NALF1: variants seen among roughly 807,000 people sequenced by gnomAD.
NALF1 encodes NALCN channel auxiliary factor 1.
A neutral mutation model predicts 48.4 loss-of-function variants in NALF1; 3 were observed. The ratio of observed to expected loss-of-function variants is 0.06; its 90% CI spans 0.03 to 0.16. The LOEUF (loss-of-function observed/expected upper bound fraction) is 0.16. Among genes scored for constraint, NALF1 ranks in the 10% least tolerant of loss-of-function variants. The pLI, the probability that NALF1 is intolerant of heterozygous loss-of-function variation, is 1.00. For synonymous variants in NALF1, 262 were observed against 245.7 expected, an observed-to-expected ratio of 1.07 and a Z score of -0.62; for missense variants, 526 against 571.5, an observed-to-expected ratio of 0.92 and a Z score of 0.81.
intron 1 of NALF1, among the ~76,000 whole-genome samples, chr13:107,388,245 G>A (rs1297361751): frequency 6.6e-6 from 1 of 152,174 alleles, no homozygotes; most frequent in Non-Finnish European, 1.5e-5. Flanking sequence ...TCTCATGCAA[G>A]AGAAAAGCTA....
chr13:107,237,657 C>A (rs1880380461), intron 1 of NALF1, among the ~76,000 whole-genome samples: 1 of 152,162 alleles, frequency 6.6e-6, no homozygotes, highest in Non-Finnish European at 1.5e-5. Flanking sequence ...AATGCCTGTA[C>A]ATGTTCAGCA....
At chr13:107,464,226 TA>T (rs34761329) in intron 1 of NALF1, among the ~76,000 whole-genome samples, 8 of 151,170 alleles carry the variant, frequency 5.3e-5, no homozygotes, top group African/African-American at 7.3e-5. Flanking sequence ...CAACTCACAT[TA>T]AAAAAAAACT....
intron 1 of NALF1, among the ~76,000 whole-genome samples, chr13:107,627,556 T>C (rs773431632): frequency 6.6e-6 from 1 of 152,122 alleles, no homozygotes; most frequent in Non-Finnish European, 1.5e-5. Context: ...AGCATGGGTG[T>C]CAGCAACTGG....
intron 1 of NALF1, among the ~76,000 whole-genome samples, chr13:107,611,191 G>A (rs970870337): frequency 6.6e-6 from 1 of 152,174 alleles, no homozygotes; most frequent in Non-Finnish European, 1.5e-5. Flanking sequence ...GCTGTGCTAA[G>A]GGAAAACAAG....
chr13:107,200,835 G>T (rs991836483), intron 2 of NALF1, among the ~76,000 whole-genome samples: 2 of 152,090 alleles, frequency 1.3e-5, no homozygotes, highest in African/African-American at 4.8e-5. Context: ...TCAATATTTC[G>T]AAAGTATGTA....
At chr13:107,208,555 GTTTT>G (rs889821102) in intron 2 of NALF1, among the ~76,000 whole-genome samples, 5 of 152,106 alleles carry the variant, frequency 3.3e-5, no homozygotes, top group Non-Finnish European at 7.4e-5. Context: ...CTTCATTTGG[GTTTT>G]TTGTCTACTT....
At chr13:107,322,040 T>C (rs1211592883) in intron 1 of NALF1, among the ~76,000 whole-genome samples, 1 of 152,134 alleles carries the variant, frequency 6.6e-6, no homozygotes, top group Admixed American at 6.6e-5. Flanking sequence ...TTTGCTAAAC[T>C]AGGACTCCTT....
intron 1 of NALF1, among the ~76,000 whole-genome samples, chr13:107,296,340 TA>T (rs1241154667): frequency 2.0e-5 from 3 of 152,230 alleles, no homozygotes; most frequent in Non-Finnish European, 4.4e-5. Flanking sequence ...TAGTGGTATT[TA>T]AAATAGTTAT....
intron 1 of NALF1, among the ~76,000 whole-genome samples, chr13:107,389,483 G>A (rs1181464121): frequency 6.6e-6 from 1 of 152,164 alleles, no homozygotes; most frequent in African/African-American, 2.4e-5. Context: ...GCCAAGGAGA[G>A]GGGCTGGGAA....
rs1434060725 is a variant in NALF1 at position 107,166,807 on chromosome 13, C to T, written c.*3690G>A. 1 of 151,160 alleles carries T rather than the reference C, an allele frequency of 6.6e-6. No individual in the cohort carries two copies. The highest frequency in any genetic ancestry group is 2.4e-5 in the African/African-American group (1 of 41,194). The allele number at this position is 151,160 out of a possible 1,614,324, so 9.4% of individuals were successfully genotyped here. ...CACTCCCCTCTTTCCTTCCTTCTTT[C>T]CTGTCATTCTTTTGTTTCTGCTATC... is the stretch of plus-strand genomic sequence containing the variant. On this transcript the variant is annotated 3_prime_UTR_variant, in exon 3 of 3. Coordinates refer to ENST00000375915, the MANE Select transcript of NALF1 (RefSeq NM_001080396.3).
intron 2 of NALF1, among the ~76,000 whole-genome samples, chr13:107,186,485 A>G (rs1879176220): frequency 6.6e-6 from 1 of 152,144 alleles, no homozygotes; most frequent in Non-Finnish European, 1.5e-5. Flanking sequence ...CTCTTGCCTC[A>G]GCCTCCTGAG....
intron 1 of NALF1, among the ~76,000 whole-genome samples, chr13:107,768,061 G>A (rs77214713): frequency 3.9e-5 from 6 of 152,198 alleles, no homozygotes; most frequent in African/African-American, 9.6e-5. Context: ...AAACCTCAGC[G>A]CCCTCACTTA....
intron 1 of NALF1, among the ~76,000 whole-genome samples, chr13:107,619,897 TA>T (rs796594022): frequency 4.7e-4 from 71 of 152,280 alleles, no homozygotes; most frequent in African/African-American, 1.7e-3. Flanking sequence ...AAGGCCAATA[TA>T]AAAATTTTAG....
rs756515049 is a variant in NALF1, at chr13:107,866,338, TCTGCTGCTGCTG to T, written c.247_258del (p.Gln83_Gln86del). The stretch of plus-strand genomic sequence containing the variant: ...TGCTGCTGCTGCTGCTGCCGCTGCC[TCTGCTGCTGCTG>T]CTGCTGCTGCTGCTGCCGCTGCTGC... On this transcript the variant is annotated inframe_deletion, in exon 1 of 3. Coordinates refer to ENST00000375915, the MANE Select transcript of NALF1 (RefSeq NM_001080396.3). This position sits in a 1 kb window ranked among gnomAD's most constrained non-coding sequence, Gnocchi z 4.4. 7.3e-5 allele frequency: 117 copies of T among 1,598,746 alleles called. No individual in the cohort carries two copies. Among genetic ancestry groups the T allele is most frequent in the Admixed American group, 7.3e-4 (43 of 59,186 alleles).
At chr13:107,240,954 G>C (rs544722387) in intron 1 of NALF1, among the ~76,000 whole-genome samples, 1 of 144,264 alleles carries the variant, frequency 6.9e-6, no homozygotes, top group African/African-American at 2.6e-5. Context: ...AATTTAAAAA[G>C]AACTGATATT....
chr13:107,673,664 C>A (rs995395110), intron 1 of NALF1, among the ~76,000 whole-genome samples: 14 of 152,106 alleles, frequency 9.2e-5, no homozygotes, highest in African/African-American at 3.4e-4. Context: ...TAGTTTCAAA[C>A]AGCTAGAAGA....
At chr13:107,253,173 C>CT (rs3072801) in intron 1 of NALF1, among the ~76,000 whole-genome samples, 146 of 146,598 alleles carry the variant, frequency 1.0e-3, no homozygotes, top group African/African-American at 2.6e-3. Flanking sequence ...GGACTTCTTT[C>CT]TTTTTTTTTT....
intron 1 of NALF1, among the ~76,000 whole-genome samples, chr13:107,414,375 C>T (rs1884047975): frequency 6.6e-6 from 1 of 151,214 alleles, no homozygotes; most frequent in African/African-American, 2.4e-5. Flanking sequence ...GCACATTTTT[C>T]AAATGTATAT....
chr13:107,738,409 T>C (rs1297326209), intron 1 of NALF1, among the ~76,000 whole-genome samples: 1 of 152,140 alleles, frequency 6.6e-6, no homozygotes, highest in African/African-American at 2.4e-5. Context: ...TCTCATAAGA[T>C]TCCAATCTTA....
Sources: allele counts gnomAD v4.1 joint callset (sites outside exome capture counted in the v4.1 genomes callset), GRCh38; gene constraint gnomAD v4.1.1; non-coding constraint Gnocchi (gnomAD v3.1); transcripts MANE v1.5; gene names NCBI Gene and HGNC (gene_info 2026-07-23, HGNC 2026-07-21).